Variants in DIP2B observed in about 807,000 individuals in gnomAD.
The protein encoded by DIP2B is DIP2 acetate--CoA ligase B (putative).
DIP2B carries 76 observed loss-of-function variants against 198.0 expected under a neutral mutation model. That is an observed-to-expected ratio of 0.38 (90% CI 0.32 to 0.46). The LOEUF is 0.46. DIP2B is among the 20% of genes least tolerant of loss of function. DIP2B has a pLI of 0.99. For synonymous variants in DIP2B, 701 were observed against 739.1 expected, an observed-to-expected ratio of 0.95 and a Z score of 0.84; for missense variants, 1,559 against 1,978.4, an observed-to-expected ratio of 0.79 and a Z score of 4.02.
At chr12:50,712,929 T>C (rs1322329342) in intron 22 of DIP2B, among the ~76,000 whole-genome samples, 1 of 151,924 alleles carries the variant, frequency 6.6e-6, no homozygotes. Flanking sequence ...ATAAAGTTGA[T>C]TGGTTCCATA....
intron 1 of DIP2B, among the ~76,000 whole-genome samples, chr12:50,596,206 C>G (rs1271068918): frequency 6.6e-6 from 1 of 152,044 alleles, no homozygotes; most frequent in Non-Finnish European, 1.5e-5. Flanking sequence ...GAGTCTTTAA[C>G]AGGGATAGAA....
intron 1 of DIP2B, among the ~76,000 whole-genome samples, chr12:50,545,262 G>T (rs775983073): frequency 2.6e-5 from 4 of 152,052 alleles, no homozygotes; most frequent in Non-Finnish European, 5.9e-5. Flanking sequence ...CAACGTATGA[G>T]AGTTCCATTT....
At chr12:50,527,269 C>T (rs1026857644) in intron 1 of DIP2B, among the ~76,000 whole-genome samples, 7 of 152,158 alleles carry the variant, frequency 4.6e-5, no homozygotes, top group African/African-American at 9.7e-5. Context: ...CTACCAAGGA[C>T]GTTCATGGGC....
chr12:50,645,239 A>G (rs958184960), intron 3 of DIP2B, among the ~76,000 whole-genome samples: 4 of 152,212 alleles, frequency 2.6e-5, no homozygotes, highest in Non-Finnish European at 4.4e-5. Context: ...AAAATTTTAA[A>G]TAGTCATGTT....
chr12:50,516,962 C>T (rs552038293), intron 1 of DIP2B, among the ~76,000 whole-genome samples: 7 of 152,206 alleles, frequency 4.6e-5, no homozygotes, highest in African/African-American at 1.7e-4. Flanking sequence ...TGCCACTGCA[C>T]TCCAGCCTGG....
chr12:50,678,728 C>G lies in DIP2B; in HGVS notation c.966C>G (p.Thr322=). 6.2e-7 allele frequency: 1 copy of G among 1,614,176 alleles called. No individual in the cohort carries two copies. The highest frequency in any genetic ancestry group is 1.7e-5 in the Admixed American group (1 of 60,026). ...NQPKPEGRQM[T]PVKGEPLGVI... Reference sequence around the variant, plus strand: ...CCAAGCCGGAGGGACGGCAGATGACCCCTGTGAAAGGAGAGCCTTTAGGAG... The same window carrying G: ...CCAAGCCGGAGGGACGGCAGATGACGCCTGTGAAAGGAGAGCCTTTAGGAG... Residue 322 remains threonine, a synonymous_variant, in exon 8 of 38, where the codon ACC becomes ACG. Transcript: ENST00000301180.
At chr12:50,541,950 C>T (rs1201336004) in intron 1 of DIP2B, among the ~76,000 whole-genome samples, 5 of 149,094 alleles carry the variant, frequency 3.4e-5, no homozygotes, top group South Asian at 2.1e-4. Context: ...TGCAGTGAGC[C>T]GAAATTGCGC....
At chr12:50,705,882 A>T (rs984250225) in intron 20 of DIP2B, among the ~76,000 whole-genome samples, 1 of 152,220 alleles carries the variant, frequency 6.6e-6, no homozygotes, top group African/African-American at 2.4e-5. Flanking sequence ...ATGTAAATGG[A>T]CTAAGAAATT....
intron 2 of DIP2B, among the ~76,000 whole-genome samples, chr12:50,633,612 A>G (rs1938103926): frequency 6.6e-6 from 1 of 152,086 alleles, no homozygotes. Context: ...AAAAAAATCA[A>G]AAAATTTGCC....
In DIP2B at chr12:50,697,195, A is replaced by T. The variant is rs1439197018; in HGVS notation, c.2048+20A>T. ...CCGCAGGTACTGTTCAGGATGTCAGATGCTCTTGATGTATGTTACAACTTG... is the reference window on the plus strand; with the variant it reads ...CCGCAGGTACTGTTCAGGATGTCAGTTGCTCTTGATGTATGTTACAACTTG... On this transcript the variant is annotated intron_variant, in intron 17 of 37. Transcript: ENST00000301180. 6.2e-7 allele frequency: 1 copy of T among 1,601,296 alleles called. No individual in the cohort carries two copies. Among genetic ancestry groups the T allele is most frequent in the Non-Finnish European group, 8.5e-7 (1 of 1,170,000 alleles).
At chr12:50,603,036 C>T (rs1327357324) in intron 1 of DIP2B, among the ~76,000 whole-genome samples, 2 of 150,582 alleles carry the variant, frequency 1.3e-5, no homozygotes, top group Non-Finnish European at 3.0e-5. Context: ...TGGTGGCAGG[C>T]GCCTGTAGTC....
At chr12:50,638,606 A>G (rs1938199116) in intron 2 of DIP2B, among the ~76,000 whole-genome samples, 1 of 152,158 alleles carries the variant, frequency 6.6e-6, no homozygotes, top group Non-Finnish European at 1.5e-5. Context: ...AACTGTGTAT[A>G]TCTTATTCAA....
intron 37 of DIP2B, among the ~76,000 whole-genome samples, chr12:50,742,358 C>T (rs1040071289): frequency 1.8e-4 from 24 of 132,806 alleles, no homozygotes; most frequent in Non-Finnish European, 3.5e-4. Context: ...GATTGTGCCA[C>T]TGCACTCCAG....
chr12:50,716,958 CTTTTTTTTT>C (rs4026694), intron 23 of DIP2B, among the ~76,000 whole-genome samples: 18 of 58,924 alleles, frequency 3.1e-4, no homozygotes, highest in African/African-American at 8.0e-4. Context: ...CGAATTGTTG[CTTTTTTTTT>C]TTTTTTTTTT....
chr12:50,615,618 AT>A (rs1250288001), intron 1 of DIP2B, among the ~76,000 whole-genome samples: 3 of 151,842 alleles, frequency 2.0e-5, no homozygotes, highest in African/African-American at 7.2e-5. Flanking sequence ...AAAGATAGTT[AT>A]TCTTAGGACT....
intron 1 of DIP2B, among the ~76,000 whole-genome samples, chr12:50,575,985 T>C (rs1238320468): frequency 1.3e-5 from 2 of 152,142 alleles, no homozygotes; most frequent in Non-Finnish European, 2.9e-5. Flanking sequence ...CTCAAACTCC[T>C]GACCTTAGAT....
chr12:50,619,721 A>G (rs1937772069), intron 1 of DIP2B, among the ~76,000 whole-genome samples: 1 of 152,128 alleles, frequency 6.6e-6, no homozygotes, highest in South Asian at 2.1e-4. Context: ...TCACAATGAA[A>G]ACTTTGCAAG....
At chr12:50,698,968 G>T (rs1364190083) in intron 18 of DIP2B, 98 bp from the exon 19 acceptor site, 1 of 1,412,342 alleles carries the variant, frequency 7.1e-7, no homozygotes, top group East Asian at 2.3e-5. Flanking sequence ...ATGCCACTCA[G>T]TAAAGGCAGG....
chr12:50,535,940 T>A (rs1430145559), intron 1 of DIP2B, among the ~76,000 whole-genome samples: 1,253 of 120,292 alleles, frequency 0.01, no homozygotes, highest in South Asian at 0.012. Context: ...TGAGTGAGAA[T>A]ATGGGGTGTT....
Sources: gnomAD v4.1 joint callset for allele counts (sites outside exome capture counted in the v4.1 genomes callset) on GRCh38, gnomAD v4.1.1 for gene constraint, MANE v1.5 for transcripts, NCBI Gene and HGNC (gene_info 2026-07-23, HGNC 2026-07-21) for gene names.